VAV3: variants seen among roughly 807,000 people sequenced by gnomAD.
The protein encoded by VAV3 is vav guanine nucleotide exchange factor 3.
VAV3 carries 94 observed loss-of-function variants against 131.2 expected under a neutral mutation model. That is an observed-to-expected ratio of 0.72 (90% confidence interval 0.61 to 0.85). The LOEUF is 0.85. VAV3 is among the 40% of genes least tolerant of loss of function. VAV3 has a pLI of 0.00. For missense variants in VAV3, 939 were observed against 1,002.7 expected (o/e 0.94, Z 0.86); for synonymous variants, 349 against 342.0 (o/e 1.02, Z -0.22).
chr1:107,672,259 A>T (rs1657864236), intron 19 of VAV3: 1 of 127,680 alleles, frequency 7.8e-6, no homozygotes, highest in Non-Finnish European at 1.6e-5. Context: ...ACAGAGCAAG[A>T]CTCTGTCTCA....
At chr1:107,857,305 C>A (rs1669521285) in intron 2 of VAV3, among the ~76,000 whole-genome samples, 1 of 152,184 alleles carries the variant, frequency 6.6e-6, no homozygotes, top group South Asian at 2.1e-4. Context: ...CATCAGACTC[C>A]AAGCTTTTCA....
In VAV3 at chr1:107,857,066, G is replaced by T. The variant is rs528717706; in HGVS notation, c.321+17835C>A. On this transcript the variant is annotated intron_variant, in intron 2 of 26. Coordinates refer to ENST00000370056, the MANE Select transcript of VAV3 (RefSeq NM_006113.5). The stretch of plus-strand genomic sequence containing the variant: ...GAATATCAATGTGATTGGATTGAAG[G>T]ATGCAAAGTTTTCCTCATGGGTGTG... Among the ~76,000 whole-genome samples, 25 of 152,204 alleles carry T rather than the reference G, an allele frequency of 1.6e-4. 1 individual carries two copies. Among genetic ancestry groups the T allele is most frequent in the Admixed American group, 1.4e-3 (22 of 15,274 alleles).
chr1:107,721,931 G>A (rs1661526419), intron 15 of VAV3, among the ~76,000 whole-genome samples: 1 of 152,160 alleles, frequency 6.6e-6, no homozygotes, highest in South Asian at 2.1e-4. Context: ...CCAAACCTGA[G>A]ATGGACCCAT....
intron 1 of VAV3, among the ~76,000 whole-genome samples, chr1:107,935,200 A>T (rs1673648991): frequency 6.6e-6 from 1 of 152,190 alleles, no homozygotes; most frequent in African/African-American, 2.4e-5. Flanking sequence ...CAGTTCTCCA[A>T]AGCAAAGCAG....
intron 17 of VAV3, among the ~76,000 whole-genome samples, chr1:107,692,996 G>A (rs547424950): frequency 6.6e-6 from 1 of 152,226 alleles, no homozygotes; most frequent in Non-Finnish European, 1.5e-5. Context: ...GTAGTGGGGG[G>A]AAAAGCAAAT....
intron 12 of VAV3, among the ~76,000 whole-genome samples, chr1:107,753,507 T>TACAC (rs1243081206): frequency 0.11 from 6,781 of 63,244 alleles, 497 homozygotes; most frequent in Middle Eastern, 0.17. Flanking sequence ...CACATATATA[T>TACAC]ACACACATAT....
intron 19 of VAV3, among the ~76,000 whole-genome samples, chr1:107,646,933 C>T (rs915253380): frequency 2.0e-5 from 3 of 151,630 alleles, no homozygotes; most frequent in Admixed American, 6.6e-5. Context: ...AATTTAGTAC[C>T]GCTAAGAGTG....
chr1:107,774,427 G>A (rs758333865), intron 4 of VAV3, among the ~76,000 whole-genome samples: 18 of 152,196 alleles, frequency 1.2e-4, no homozygotes, highest in Admixed American at 1.2e-3. Flanking sequence ...ATGCGTGCAT[G>A]CAAGTGCACA....
intron 15 of VAV3, among the ~76,000 whole-genome samples, chr1:107,706,130 A>C (rs112878643): frequency 3.3e-5 from 5 of 152,184 alleles, no homozygotes; most frequent in African/African-American, 1.2e-4. Flanking sequence ...GGGTACACCT[A>C]GAAAGCTAAA....
In VAV3 at chr1:107,772,855, G is replaced by A; in HGVS notation, c.447-12C>T. Reference sequence around the variant, plus strand: ...CCACAAGGGTTTCACTACAACAAAGGATATCATATAAGGTCATTTTCTATT... The same window carrying A: ...CCACAAGGGTTTCACTACAACAAAGAATATCATATAAGGTCATTTTCTATT... On this transcript the variant is annotated splice_polypyrimidine_tract_variant and intron_variant, in intron 4 of 26. Coordinates refer to ENST00000370056, the MANE Select transcript of VAV3 (RefSeq NM_006113.5). 1 of 1,605,472 alleles carries A rather than the reference G, an allele frequency of 6.2e-7. No homozygotes were observed.
intron 15 of VAV3, among the ~76,000 whole-genome samples, chr1:107,717,837 G>T (rs951616331): frequency 2.0e-5 from 3 of 152,134 alleles, no homozygotes; most frequent in Admixed American, 6.5e-5. Context: ...TGACAATGGG[G>T]TGTTAAAGTT....
intron 20 of VAV3, among the ~76,000 whole-genome samples, chr1:107,629,451 T>G (rs1046137952): frequency 6.6e-6 from 1 of 152,208 alleles, no homozygotes; most frequent in African/African-American, 2.4e-5. Context: ...AACATGTTTA[T>G]CATCATCAAT....
chr1:107,957,253 C>T (rs1674858293), intron 1 of VAV3, among the ~76,000 whole-genome samples: 1 of 152,218 alleles, frequency 6.6e-6, no homozygotes, highest in Admixed American at 6.5e-5. Flanking sequence ...TCCCAGCCAT[C>T]CCAACTCATA....
chr1:107,821,980 T>C (rs1667812308), intron 2 of VAV3, among the ~76,000 whole-genome samples: 1 of 152,198 alleles, frequency 6.6e-6, no homozygotes, highest in Non-Finnish European at 1.5e-5. Context: ...AGAAATTGCA[T>C]GCAGGGGAGG....
At chr1:107,627,509 A>AAAACC (rs1235919875) in intron 20 of VAV3, among the ~76,000 whole-genome samples, 46 of 152,352 alleles carry the variant, frequency 3.0e-4, no homozygotes, top group African/African-American at 1.1e-3. Context: ...GAGGAAACCT[A>AAAACC]AAAACAAAAC....
chr1:107,776,639 T>C (rs1665373470), intron 4 of VAV3, among the ~76,000 whole-genome samples: 1 of 152,230 alleles, frequency 6.6e-6, no homozygotes, highest in Non-Finnish European at 1.5e-5. Flanking sequence ...TATTTCTTAT[T>C]ATGATTCTTT....
At chr1:107,814,525 T>C (rs1378838650) in intron 2 of VAV3, among the ~76,000 whole-genome samples, 1 of 152,206 alleles carries the variant, frequency 6.6e-6, no homozygotes, top group Non-Finnish European at 1.5e-5. Flanking sequence ...ATATTCTGGA[T>C]ATTAGTCCCT....
At chr1:107,764,958 T>C (rs1664653521) in intron 9 of VAV3, 118 bp downstream of exon 9, 1 of 645,910 alleles carries the variant, frequency 1.5e-6, no homozygotes, top group South Asian at 2.3e-5. Flanking sequence ...TTTTATAAAA[T>C]TGACATGAAA....
rs573191829 is a variant in VAV3 at position 107,809,397 on chromosome 1, A to G, written c.322-29905T>C. On this transcript the variant is annotated intron_variant, in intron 2 of 26. Transcript: ENST00000370056. ...AGAAAGAAAAGAGCATTACTGTATC[A>G]GCACCCATTTCTTTGTCCTTGGATA... Among the ~76,000 whole-genome samples the G allele has an allele frequency of 2.0e-3, 305 of 152,350 alleles. 3 individuals carry two copies. The highest frequency in any genetic ancestry group is 7.0e-3 in the African/African-American group (291 of 41,584).
Sources: gnomAD v4.1 joint callset for allele counts (sites outside exome capture counted in the v4.1 genomes callset) on GRCh38, gnomAD v4.1.1 for gene constraint, MANE v1.5 for transcripts, NCBI Gene and HGNC (gene_info 2026-07-23, HGNC 2026-07-21) for gene names.